FMNL3: variants seen among roughly 807,000 people sequenced by gnomAD.
FMNL3 encodes formin like 3.
Under a neutral mutation model 119.6 loss-of-function variants are expected in FMNL3, and 57 were observed. The observed-to-expected ratio is 0.48, with a 90% CI of 0.39 to 0.59. The LOEUF is 0.59. Ranked by LOEUF, FMNL3 falls within the 20% of genes least tolerant of loss-of-function variation. The pLI is 0.00. For missense variants in FMNL3, 1,053 were observed against 1,323.5 expected (o/e 0.80, Z 3.17); for synonymous variants, 491 against 507.3 (o/e 0.97, Z 0.43).
At position 49,707,264 on chromosome 12, in the gene FMNL3, C is replaced by A; in HGVS notation, c.-84G>T. The A allele has an allele frequency of 7.8e-7, 1 of 1,283,620 alleles. No individual in the cohort carries two copies. The highest frequency in any genetic ancestry group is 1.0e-6 in the Non-Finnish European group (1 of 983,978). 79.5% of individuals were successfully genotyped at this position (1,283,620 alleles called of 1,614,324 possible). On this transcript the variant is annotated 5_prime_UTR_variant, in exon 1 of 26. Coordinates refer to ENST00000335154, the MANE Select transcript of FMNL3 (RefSeq NM_175736.5). Reference sequence around the variant, plus strand: ...CTCCGCGGCTCCGACCAGGCTCCTCCCTCAGCGCCGGCTCCCCGAGTCCCG... The same window carrying A: ...CTCCGCGGCTCCGACCAGGCTCCTCACTCAGCGCCGGCTCCCCGAGTCCCG...
In FMNL3 at chr12:49,654,960, C is replaced by A; in HGVS notation, c.910G>T (p.Glu304Ter). 2 of 1,614,114 alleles carry A rather than the reference C, an allele frequency of 1.2e-6. No homozygotes were observed. Among genetic ancestry groups the A allele is most frequent in the South Asian group, 2.2e-5 (2 of 91,074 alleles). Residue 304 changes from glutamate to a stop codon, truncating the protein, a stop_gained, in exon 10 of 26, where the codon GAG becomes TAG. Coordinates refer to ENST00000335154, the MANE Select transcript of FMNL3 (RefSeq NM_175736.5). LOFTEE classifies it high-confidence loss of function. ...KEVCKELHRF[E>*]KLMEYFRNED... ...TTCCGGAAATACTCCATCAGCTTCT[C>A]AAAGCGGTGCAGCTCCTTGCATACC...
chr12:49,652,305 G>A lies in FMNL3; in HGVS notation c.1324-93C>T, dbSNP rs568386866. 6.7e-5 allele frequency: 100 copies of A among 1,485,954 alleles called. 1 individual carries two copies. The African/African-American group carries it at 1.1e-3, about 17-fold the overall frequency. 92.0% of individuals were successfully genotyped at this position (1,485,954 alleles called of 1,614,324 possible). A position where few individuals can be genotyped will look rare whatever the true frequency, so the allele number is the denominator to read the frequency against. On this transcript the variant is annotated intron_variant, in intron 13 of 25. Coordinates refer to ENST00000335154, the MANE Select transcript of FMNL3 (RefSeq NM_175736.5). ...AATTCCTACCCAGGGTTCTCTTAAC[G>A]AGGGTCTCTGTCAGGGTACTCAGAG... is the stretch of plus-strand genomic sequence containing the variant.
intron 1 of FMNL3, among the ~76,000 whole-genome samples, chr12:49,682,625 G>T (rs766570464): frequency 6.6e-6 from 1 of 152,070 alleles, no homozygotes; most frequent in Non-Finnish European, 1.5e-5. Flanking sequence ...GAAATCACAG[G>T]TATGAGCCAC....
At chr12:49,686,364 G>A (rs775859056) in intron 1 of FMNL3, among the ~76,000 whole-genome samples, 9 of 151,662 alleles carry the variant, frequency 5.9e-5, no homozygotes, top group Admixed American at 3.9e-4. Flanking sequence ...GGCGGATCAC[G>A]AGGTTAGGAG....
At chr12:49,661,876 T>C in intron 5 of FMNL3, 90 bp downstream of exon 5, 1 of 1,229,542 alleles carries the variant, frequency 8.1e-7, no homozygotes, top group Non-Finnish European at 1.2e-6. Context: ...CCATCTTCAT[T>C]GTTGAACTCT....
intron 1 of FMNL3, among the ~76,000 whole-genome samples, chr12:49,678,744 T>C (rs1336354350): frequency 1.3e-5 from 2 of 152,172 alleles, no homozygotes; most frequent in Non-Finnish European, 2.9e-5. Context: ...ACTACAGGCA[T>C]GAGCCACAGT....
At position 49,661,750 on chromosome 12, in the gene FMNL3, T is replaced by TTA. The variant is rs575232042; in HGVS notation, c.452+214_452+215dup. 3,231 of 570,548 alleles carry TTA rather than the reference T, an allele frequency of 5.7e-3. 19 individuals are homozygous for TTA. Among genetic ancestry groups the TTA allele is most frequent in the Middle Eastern group, 0.01 (21 of 2,078 alleles). 35.3% of individuals were successfully genotyped at this position (570,548 alleles called of 1,614,324 possible). On this transcript the variant is annotated intron_variant, in intron 5 of 25. Transcript: ENST00000335154. Reference sequence around the variant, plus strand: ...TCTGTCCTGTTCTCCAAAATGCATCTTATCTTCTACTCCAGCCAAGTGCCA... The same window carrying TTA: ...TCTGTCCTGTTCTCCAAAATGCATCTTATATCTTCTACTCCAGCCAAGTGCCA...
chr12:49,642,175 G>C lies in FMNL3; in HGVS notation c.*3640C>G. ...ACTTTCCACCTCCTAAGGTATGCCT[G>C]AGTGGGACCTGGCATCCACCCTCCT... is the stretch of plus-strand genomic sequence containing the variant. On this transcript the variant is annotated 3_prime_UTR_variant, in exon 26 of 26. Transcript: ENST00000335154. This position sits in a 1 kb window ranked among gnomAD's most constrained non-coding sequence, Gnocchi z 5.8. 1 of 1,613,390 alleles carries C rather than the reference G, an allele frequency of 6.2e-7. No individual in the cohort carries two copies. Among genetic ancestry groups the C allele is most frequent in the Non-Finnish European group, 8.5e-7 (1 of 1,179,604 alleles).
rs929272122 is a variant in FMNL3, at chr12:49,681,765, C to T, written c.127-13211G>A. On this transcript the variant is annotated intron_variant, in intron 1 of 25. Coordinates refer to ENST00000335154, the MANE Select transcript of FMNL3 (RefSeq NM_175736.5). ...TAGAGACAGGGCCTCGCTATGTTGCCCAGGCTGAACTTGAACTCCTGACCT... is the reference window on the plus strand; with the variant it reads ...TAGAGACAGGGCCTCGCTATGTTGCTCAGGCTGAACTTGAACTCCTGACCT... Among the ~76,000 whole-genome samples the T allele has an allele frequency of 3.3e-5, 5 of 150,762 alleles. No individual in the cohort carries two copies. In the East Asian group the frequency reaches 9.9e-4, roughly 30 times the overall value.
chr12:49,665,085 T>C, intron 4 of FMNL3, among the ~76,000 whole-genome samples: 1 of 152,102 alleles, frequency 6.6e-6, no homozygotes, highest in East Asian at 1.9e-4. Flanking sequence ...ACTTTCTCTC[T>C]CTCTCTCTCA....
chr12:49,641,954 C>G lies in FMNL3; in HGVS notation c.*3861G>C. The G allele has an allele frequency of 6.2e-7, 1 of 1,613,930 alleles. No homozygotes were observed. Among genetic ancestry groups the G allele is most frequent in the Non-Finnish European group, 8.5e-7 (1 of 1,180,044 alleles). The stretch of plus-strand genomic sequence containing the variant: ...GTGAACACGGCCTTTGAGGACTTCG[C>G]CCACGTCATAAGCTTTGACAAGAGG... On this transcript the variant is annotated 3_prime_UTR_variant, in exon 26 of 26. Coordinates refer to ENST00000335154, the MANE Select transcript of FMNL3 (RefSeq NM_175736.5).
intron 21 of FMNL3, 75 bp downstream of exon 21, chr12:49,648,954 C>G (rs1943302781): frequency 1.7e-5 from 26 of 1,506,714 alleles, no homozygotes; most frequent in Non-Finnish European, 2.0e-5. Flanking sequence ...CCCAAGTGTT[C>G]TCTCTCCTCA....
chr12:49,672,898 A>G (rs544677772), intron 1 of FMNL3, among the ~76,000 whole-genome samples: 1 of 152,248 alleles, frequency 6.6e-6, no homozygotes, highest in African/African-American at 2.4e-5. Flanking sequence ...GTTGGTCCCT[A>G]TCATGATAAA....
chr12:49,637,489 A>G lies in FMNL3; in HGVS notation c.*8326T>C, dbSNP rs1195771745. ...GCTCAGACCTTCCTGGACGAGCTGCATGAGACAGGGCAGCTGCACTCTATG... is the reference window on the plus strand; with the variant it reads ...GCTCAGACCTTCCTGGACGAGCTGCGTGAGACAGGGCAGCTGCACTCTATG... On this transcript the variant is annotated 3_prime_UTR_variant, in exon 26 of 26. Transcript: ENST00000335154. 4 of 1,613,314 alleles carry G rather than the reference A, an allele frequency of 2.5e-6. No individual in the cohort carries two copies. The highest frequency in any genetic ancestry group is 3.4e-6 in the Non-Finnish European group (4 of 1,179,888).
At position 49,641,696 on chromosome 12, in the gene FMNL3, C is replaced by T. The variant is rs1299336622; in HGVS notation, c.*4119G>A. On this transcript the variant is annotated 3_prime_UTR_variant, in exon 26 of 26. Transcript: ENST00000335154. ...GGGAGACATCTCCCAACCCCTTCAGCTCTGTGTGACATCCAAACCAAGGGT... is the reference window on the plus strand; with the variant it reads ...GGGAGACATCTCCCAACCCCTTCAGTTCTGTGTGACATCCAAACCAAGGGT... The T allele has an allele frequency of 1.7e-6, 1 of 575,578 alleles. No homozygotes were observed. 35.7% of individuals were successfully genotyped at this position (575,578 alleles called of 1,614,324 possible). A position where few individuals can be genotyped will look rare whatever the true frequency, so the allele number is the denominator to read the frequency against.
At chr12:49,678,404 C>T (rs866481707) in intron 1 of FMNL3, among the ~76,000 whole-genome samples, 2 of 149,542 alleles carry the variant, frequency 1.3e-5, no homozygotes, top group Admixed American at 6.6e-5. Context: ...GATCCACCTA[C>T]CTCAGCCTCC....
At position 49,642,804 on chromosome 12, in the gene FMNL3, G is replaced by T; in HGVS notation, c.*3011C>A. On this transcript the variant is annotated 3_prime_UTR_variant, in exon 26 of 26. Transcript: ENST00000335154. This position sits in a 1 kb window ranked among gnomAD's most constrained non-coding sequence, Gnocchi z 5.8. Reference sequence around the variant, plus strand: ...GCCAGCTAAGGAAGGGGAGGCCTGAGGATCCCTGGGATAGGCAGAAGGCTC... The same window carrying T: ...GCCAGCTAAGGAAGGGGAGGCCTGATGATCCCTGGGATAGGCAGAAGGCTC... 1.4e-6 allele frequency: 2 copies of T among 1,420,756 alleles called. No homozygotes were observed. The highest frequency in any genetic ancestry group is 9.7e-7 in the Non-Finnish European group (1 of 1,031,282). 88.0% of individuals were successfully genotyped at this position (1,420,756 alleles called of 1,614,324 possible).
intron 1 of FMNL3, among the ~76,000 whole-genome samples, chr12:49,680,869 G>A (rs1351438984): frequency 6.6e-6 from 1 of 152,222 alleles, no homozygotes; most frequent in Admixed American, 6.5e-5. Context: ...TACACAGAAA[G>A]TAGCAGGACC....
At chr12:49,671,425 C>T (rs1269735721) in intron 1 of FMNL3, among the ~76,000 whole-genome samples, 2 of 152,264 alleles carry the variant, frequency 1.3e-5, no homozygotes, top group East Asian at 1.9e-4. Context: ...TTCTCTGCTT[C>T]TTCTGGGCTG....
Sources: gnomAD v4.1 joint callset for allele counts (sites outside exome capture counted in the v4.1 genomes callset) on GRCh38, gnomAD v4.1.1 for gene constraint, Gnocchi (gnomAD v3.1) non-coding constraint, MANE v1.5 for transcripts, NCBI Gene and HGNC (gene_info 2026-07-23, HGNC 2026-07-21) for gene names.